Variants in CLCN5 observed in about 807,000 individuals in gnomAD.
The protein encoded by CLCN5 is Cl-/H+ antiporter 5, also known as H(+)/Cl(-) exchange transporter 5.
Under a neutral mutation model 54.0 loss-of-function variants are expected in CLCN5, and 17 were observed. That is an observed-to-expected ratio of 0.31 (90% CI 0.22 to 0.47). CLCN5 has a LOEUF of 0.47. CLCN5 is among the 20% of genes least tolerant of loss of function. The pLI, the probability that CLCN5 is intolerant of heterozygous loss-of-function variation, is 1.00. For synonymous variants in CLCN5, 222 were observed against 233.0 expected (o/e 0.95, Z 0.43); for missense variants, 448 against 646.7 (o/e 0.69, Z 3.33).
intron 4 of CLCN5, among the ~76,000 whole-genome samples, chrX:50,044,307 G>T (rs180809145): frequency 8.9e-6 from 1 of 111,819 alleles, no homozygotes; most frequent in Non-Finnish European, 1.9e-5. Flanking sequence ...AAGGACTGGA[G>T]ATTTCATAGA....
chrX:49,930,900 A>G (rs1330087956), intron 3 of CLCN5, among the ~76,000 whole-genome samples: 1 of 111,648 alleles, frequency 9.0e-6, no homozygotes, highest in African/African-American at 3.3e-5. Flanking sequence ...CTACACCTTT[A>G]TCAGCTGTGT....
In CLCN5 at chrX:50,072,596, A is replaced by G. The variant is rs1557191642; in HGVS notation, c.415+8A>G. Reference sequence around the variant, plus strand: ...TTATTGGGCTTTTATCAGGTATGGTAAACTGTTAGTTTTCAAAACAAATCT... The same window carrying G: ...TTATTGGGCTTTTATCAGGTATGGTGAACTGTTAGTTTTCAAAACAAATCT... On this transcript the variant is annotated splice_region_variant and intron_variant, in intron 6 of 14. Transcript: ENST00000376091. 8.6e-6 allele frequency: 10 copies of G among 1,158,610 alleles called. No homozygotes were observed. In the Admixed American group the frequency reaches 2.0e-4, roughly 23 times the overall value.
intron 3 of CLCN5, among the ~76,000 whole-genome samples, chrX:49,941,053 G>A (rs1356477939): frequency 4.5e-5 from 5 of 111,760 alleles, no homozygotes; most frequent in African/African-American, 9.8e-5. Context: ...TAGGCTGGGT[G>A]TGGTGGCTCA....
intron 4 of CLCN5, among the ~76,000 whole-genome samples, chrX:50,044,303 T>C (rs1028566198): frequency 8.9e-6 from 1 of 111,881 alleles, no homozygotes; most frequent in Non-Finnish European, 1.9e-5. Context: ...TGCGAAGGAC[T>C]GGAGATTTCA....
At chrX:50,073,602 C>T (rs1381043457) in intron 6 of CLCN5, among the ~76,000 whole-genome samples, 3 of 111,709 alleles carry the variant, frequency 2.7e-5, no homozygotes, top group Admixed American at 9.5e-5. Context: ...CTGCTGCTGC[C>T]GTTACCAAGA....
intron 3 of CLCN5, among the ~76,000 whole-genome samples, chrX:49,939,844 C>A (rs1364863588): frequency 9.0e-6 from 1 of 111,679 alleles, no homozygotes; most frequent in Non-Finnish European, 1.9e-5. Context: ...GTATCTCTTA[C>A]ATTTATCACT....
rs782492737 is a variant in CLCN5, at chrX:50,090,385, A to G, written c.2014A>G (p.Ser672Gly). The change falls in exon 13 of 15, where the codon AGT becomes GGT. Residue 672 changes from serine (S) to glycine (G), a missense_variant. Physicochemically the swap from Ser to Gly is moderately conservative, Grantham distance 56. Transcript: ENST00000376091. Reference sequence around the variant, plus strand: ...TTTGTTGACTGTCCTTACTCAGGACAGTATGACTGTGGAAGATGTAGAGAC... The same window carrying G: ...TTTGTTGACTGTCCTTACTCAGGACGGTATGACTGTGGAAGATGTAGAGAC... Reference protein sequence around the residue: ...DPLLTVLTQDSMTVEDVETII... With the variant: ...DPLLTVLTQDGMTVEDVETII... 8.3e-7 allele frequency: 1 copy of G among 1,210,165 alleles called. No individual in the cohort carries two copies. Among genetic ancestry groups the G allele is most frequent in the South Asian group, 1.8e-5 (1 of 56,749 alleles).
chrX:50,070,661 A>G (rs782667909), intron 5 of CLCN5, among the ~76,000 whole-genome samples: 1 of 112,229 alleles, frequency 8.9e-6, no homozygotes, highest in African/African-American at 3.2e-5. Context: ...AACTCCAACA[A>G]AACCACAAGA....
chrX:50,081,884 G>C, intron 9 of CLCN5, 37 bp downstream of exon 9: 1 of 1,122,085 alleles, frequency 8.9e-7, no homozygotes, highest in Non-Finnish European at 1.2e-6. Context: ...CTTTTTGGTT[G>C]TGAGCATAAA....
intron 4 of CLCN5, among the ~76,000 whole-genome samples, chrX:50,053,130 C>G (rs1169160593): frequency 9.0e-6 from 1 of 111,383 alleles, no homozygotes. Flanking sequence ...TATGTGTAAA[C>G]TTGAGAAGAC....
chrX:49,956,226 G>A (rs782729316), intron 3 of CLCN5, among the ~76,000 whole-genome samples: 19 of 111,758 alleles, frequency 1.7e-4, no homozygotes, highest in African/African-American at 6.2e-4. Flanking sequence ...ACTAAGGCTG[G>A]CATGCCACTC....
intron 3 of CLCN5, chrX:50,003,148 C>T (rs921636987): frequency 1.6e-5 from 6 of 382,928 alleles, no homozygotes; most frequent in African/African-American, 1.0e-4. Context: ...GCAGACCTCC[C>T]GACTTGCTTT....
At chrX:49,994,012 A>G (rs1557179298) in intron 3 of CLCN5, among the ~76,000 whole-genome samples, 2 of 112,007 alleles carry the variant, frequency 1.8e-5, no homozygotes, top group Non-Finnish European at 3.8e-5. Flanking sequence ...TGCAAACAAG[A>G]AAGTTTGGAC....
chrX:49,975,140 C>T lies in CLCN5; in HGVS notation c.16+49826C>T, dbSNP rs1440568152. On this transcript the variant is annotated intron_variant, in intron 3 of 14. Coordinates refer to ENST00000376091, the MANE Select transcript of CLCN5 (RefSeq NM_001127898.4). ...GGATTTAACCCATTACCAGAGTTTGCAATTTTTTTAAATTTTTGCATGGGT... is the reference window on the plus strand; with the variant it reads ...GGATTTAACCCATTACCAGAGTTTGTAATTTTTTTAAATTTTTGCATGGGT... Among the ~76,000 whole-genome samples the T allele has an allele frequency of 3.6e-5, 4 of 111,537 alleles. No individual in the cohort carries two copies. In the East Asian group the frequency reaches 8.5e-4, roughly 24 times the overall value.
chrX:50,063,318 A>G (rs1439073015), intron 4 of CLCN5, among the ~76,000 whole-genome samples: 3 of 98,651 alleles, frequency 3.0e-5, no homozygotes, highest in African/African-American at 1.3e-4. Flanking sequence ...AAAAAATGAT[A>G]AAGGGGATAT....
rs1931781942 is a variant in CLCN5 at position 50,032,816 on chromosome X, A to G, written c.17-9500A>G. Among the ~76,000 whole-genome samples, 3 of 109,350 alleles carry G rather than the reference A, an allele frequency of 2.7e-5. No individual in the cohort carries two copies. The South Asian group carries it at 1.1e-3, about 42-fold the overall frequency. The allele number at this position is 109,350 out of a possible 115,157, so 95.0% of individuals were successfully genotyped here. ...TGCCCATGCCTATGTCCTGAATGGT[A>G]TTGCCTAGGTTTTCTTCTAGGGTTT... On this transcript the variant is annotated intron_variant, in intron 3 of 14. Coordinates refer to ENST00000376091, the MANE Select transcript of CLCN5 (RefSeq NM_001127898.4).
At chrX:50,088,914 G>T (rs1933985954) in intron 12 of CLCN5, 30 bp downstream of exon 12, 1 of 1,163,552 alleles carries the variant, frequency 8.6e-7, no homozygotes, top group South Asian at 1.8e-5. Flanking sequence ...ATTTCAAGTT[G>T]CTACCCAGGT....
At chrX:50,042,098 C>T (rs1932238400) in intron 3 of CLCN5, among the ~76,000 whole-genome samples, 1 of 111,725 alleles carries the variant, frequency 9.0e-6, no homozygotes, top group South Asian at 3.8e-4. Context: ...ATAGAGGTTA[C>T]CAGGGCCTGG....
chrX:50,032,703 G>C (rs1419515612), intron 3 of CLCN5, among the ~76,000 whole-genome samples: 4 of 109,816 alleles, frequency 3.6e-5, no homozygotes, highest in Non-Finnish European at 5.7e-5. Context: ...TTCTTTTGCT[G>C]TGCGGAAGCT....
Sources: gnomAD v4.1 joint callset for allele counts (sites outside exome capture counted in the v4.1 genomes callset) on GRCh38, gnomAD v4.1.1 for gene constraint, MANE v1.5 for transcripts, NCBI Gene and HGNC (gene_info 2026-07-23, HGNC 2026-07-21) for gene names.